Variants in WDR11 observed in about 807,000 individuals in gnomAD.
The protein encoded by WDR11 is WD repeat domain 11.
In WDR11, 83 loss-of-function variants were observed where a neutral mutation model predicts 151.2. That is an observed-to-expected ratio of 0.55 (90% CI 0.46 to 0.66). The LOEUF (loss-of-function observed/expected upper bound fraction) is 0.66, where lower values mean the gene tolerates loss of function less well. Ranked by LOEUF, WDR11 falls within the 30% of genes least tolerant of loss-of-function variation. WDR11 has a pLI of 0.00. For synonymous variants in WDR11, 484 were observed against 533.1 expected (o/e 0.91, Z 1.27); for missense variants, 1,301 against 1,480.9 (o/e 0.88, Z 1.99).
intron 28 of WDR11, 21 bp from the exon 29 acceptor site, chr10:120,908,535 T>C: frequency 6.2e-7 from 1 of 1,614,072 alleles, no homozygotes; most frequent in Non-Finnish European, 8.5e-7. Context: ...TTTACTCTTC[T>C]TTTCCTTAAC....
intron 1 of WDR11, chr10:120,851,715 A>G (rs1272889896): frequency 1.6e-6 from 1 of 617,712 alleles, no homozygotes; most frequent in South Asian, 1.9e-5. Flanking sequence ...ATGCAAATAC[A>G]TTTCCCCTCT....
At chr10:120,891,329 T>C (rs1382678036) in intron 19 of WDR11, among the ~76,000 whole-genome samples, 1 of 152,194 alleles carries the variant, frequency 6.6e-6, no homozygotes, top group East Asian at 1.9e-4. Context: ...TTGATGCCAA[T>C]CTGTGACTAG....
At chr10:120,904,581 G>A (rs1327234806) in intron 24 of WDR11, 65 bp from the exon 25 acceptor site, 30 of 1,596,162 alleles carry the variant, frequency 1.9e-5, no homozygotes, top group Non-Finnish European at 2.6e-5. Flanking sequence ...TCTACCTTAT[G>A]AATTTTAAAA....
At chr10:120,871,092 C>T in intron 9 of WDR11, 78 bp from the exon 10 acceptor site, 5 of 1,449,984 alleles carry the variant, frequency 3.4e-6, no homozygotes, top group Non-Finnish European at 4.8e-6. Flanking sequence ...AAGAGCATTT[C>T]TACTGAAAAT....
chr10:120,898,201 T>A (rs1035648005), intron 19 of WDR11, among the ~76,000 whole-genome samples: 3 of 152,234 alleles, frequency 2.0e-5, no homozygotes, highest in Admixed American at 6.5e-5. Flanking sequence ...TTTACTTTTT[T>A]AAAATTATTC....
intron 13 of WDR11, among the ~76,000 whole-genome samples, chr10:120,883,478 T>G (rs1443335740): frequency 6.6e-6 from 1 of 152,152 alleles, no homozygotes; most frequent in East Asian, 1.9e-4. Context: ...TCTCCTGTCA[T>G]GTGTGAGAAG....
In WDR11 at chr10:120,905,921, G is replaced by A. The variant is rs1370001420; in HGVS notation, c.3337G>A (p.Val1113Ile). The part of the protein sequence containing the change: ...EECADVLRRW[V>I]DHLCSPQVNQ... Reference sequence around the variant, plus strand: ...GTGTGCCGATGTTTTAAGGCGGTGGGTTGACCACCTTTGTTCTCCACAAGT... The same window carrying A: ...GTGTGCCGATGTTTTAAGGCGGTGGATTGACCACCTTTGTTCTCCACAAGT... Residue 1113 changes from valine (V) to isoleucine (I), a missense_variant, in exon 27 of 29, where the codon GTT becomes ATT. Physicochemically the swap from Val to Ile is conservative, Grantham distance 29 (BLOSUM62 3). Transcript: ENST00000263461. 1.2e-6 allele frequency: 2 copies of A among 1,614,048 alleles called. No individual in the cohort carries two copies. Among genetic ancestry groups the A allele is most frequent in the African/African-American group, 2.7e-5 (2 of 74,984 alleles).
chr10:120,904,782 C>G lies in WDR11; in HGVS notation c.3164C>G (p.Thr1055Arg). 6.2e-7 allele frequency: 1 copy of G among 1,614,074 alleles called. No individual in the cohort carries two copies. Residue 1055 changes from threonine (T) to arginine (R), a missense_variant, in exon 25 of 29, where the codon ACG becomes AGG. Thr to Arg is a moderately conservative substitution (Grantham distance 71). Around this residue, in one of 3 missense-constraint regions of WDR11, gnomAD observed 589 missense variants for 670.6 expected, o/e 0.88. Transcript: ENST00000263461. ...PSQSTIKLVA[T>R]NMIANGKLAE... ...CAGAGCACCATTAAGTTGGTGGCAACGAATATGATTGCCAATGGCAAATTG... is the reference window on the plus strand; with the variant it reads ...CAGAGCACCATTAAGTTGGTGGCAAGGAATATGATTGCCAATGGCAAATTG...
chr10:120,893,833 A>G (rs1847509690), intron 19 of WDR11, among the ~76,000 whole-genome samples: 1 of 150,534 alleles, frequency 6.6e-6, no homozygotes. Context: ...GTGTCTGTTC[A>G]TATCCTTCGC....
At chr10:120,905,295 A>C in intron 25 of WDR11, 24 bp from the exon 26 acceptor site, 1 of 1,612,108 alleles carries the variant, frequency 6.2e-7, no homozygotes, top group South Asian at 1.1e-5. Flanking sequence ...GTGTCACTTA[A>C]GGGGATGCGC....
chr10:120,907,109 G>T (rs1177936189), intron 28 of WDR11, among the ~76,000 whole-genome samples: 10 of 152,144 alleles, frequency 6.6e-5, no homozygotes, highest in Non-Finnish European at 8.8e-5. Flanking sequence ...AGAGGACAGG[G>T]CCCCCAAGTC....
chr10:120,876,229 C>T (rs913396692), intron 11 of WDR11, among the ~76,000 whole-genome samples: 2 of 152,064 alleles, frequency 1.3e-5, no homozygotes, highest in African/African-American at 2.4e-5. Context: ...ATCTACCTGC[C>T]TCTGCCTCCC....
In WDR11 at chr10:120,889,039, T is replaced by C. The variant is rs746269284; in HGVS notation, c.2122-39T>C. ...ATTTATTATAATGTCTTATACAGCA[T>C]AGTGAAATTTATATTTGTTTGTTGC... is the stretch of plus-strand genomic sequence containing the variant. On this transcript the variant is annotated intron_variant, in intron 16 of 28. Coordinates refer to ENST00000263461, the MANE Select transcript of WDR11 (RefSeq NM_018117.12). The C allele has an allele frequency of 4.9e-5, 67 of 1,358,932 alleles. No individual in the cohort carries two copies. The South Asian group carries it at 7.5e-4, about 15-fold the overall frequency. The allele number at this position is 1,358,932 out of a possible 1,614,324, so 84.2% of individuals were successfully genotyped here.
chr10:120,873,326 C>T (rs945084320), intron 10 of WDR11, among the ~76,000 whole-genome samples: 2 of 152,122 alleles, frequency 1.3e-5, no homozygotes, highest in Admixed American at 1.3e-4. Context: ...GGGCTTAAGC[C>T]CAGGTTTCTT....
chr10:120,881,723 TGCTAA>T (rs1847013047), intron 13 of WDR11, among the ~76,000 whole-genome samples: 1 of 152,162 alleles, frequency 6.6e-6, no homozygotes, highest in Admixed American at 6.6e-5. Flanking sequence ...CTTGTGACCA[TGCTAA>T]GCTTAGTTAT....
At chr10:120,866,455 T>C in intron 7 of WDR11, 114 bp from the exon 8 acceptor site, 1 of 1,145,512 alleles carries the variant, frequency 8.7e-7, no homozygotes, top group African/African-American at 1.5e-5. Flanking sequence ...TGCTTGACAT[T>C]GCATTCATGA....
At chr10:120,882,228 A>T (rs1011277195) in intron 13 of WDR11, among the ~76,000 whole-genome samples, 1 of 151,996 alleles carries the variant, frequency 6.6e-6, no homozygotes, top group African/African-American at 2.4e-5. Context: ...GTTGGTCGTG[A>T]TGTATTACTG....
In WDR11 at chr10:120,873,830, T is replaced by G; in HGVS notation, c.1472-9T>G. 1 of 1,603,384 alleles carries G rather than the reference T, an allele frequency of 6.2e-7. No homozygotes were observed. Among genetic ancestry groups the G allele is most frequent in the Non-Finnish European group, 8.5e-7 (1 of 1,170,320 alleles). The stretch of plus-strand genomic sequence containing the variant: ...GAATTAATGCTCTTCCATGATGTCA[T>G]TTTGAAAGGTACAAGTAATGGTTCT... On this transcript the variant is annotated splice_polypyrimidine_tract_variant and intron_variant, in intron 10 of 28. Coordinates refer to ENST00000263461, the MANE Select transcript of WDR11 (RefSeq NM_018117.12).
chr10:120,869,851 G>C (rs12355684), intron 9 of WDR11, among the ~76,000 whole-genome samples: 43,726 of 151,748 alleles, frequency 0.29, 6,990 homozygotes, highest in East Asian at 0.42. Context: ...GTGCGGTGGC[G>C]CAATCTCGGC....
Sources: allele counts gnomAD v4.1 joint callset (sites outside exome capture counted in the v4.1 genomes callset), GRCh38; gene constraint gnomAD v4.1.1; regional missense constraint gnomAD v4.1.1; transcripts MANE v1.5; gene names NCBI Gene and HGNC (gene_info 2026-07-23, HGNC 2026-07-21).